Variants in CRYBG1 observed in about 807,000 individuals in gnomAD.
The protein encoded by CRYBG1 is crystallin beta-gamma domain containing 1.
A neutral mutation model predicts 189.2 loss-of-function variants in CRYBG1; 139 were observed. The observed-to-expected ratio is 0.73, with a 90% CI of 0.64 to 0.85. The LOEUF (loss-of-function observed/expected upper bound fraction) is 0.85, where lower values mean the gene tolerates loss of function less well. Among genes scored for constraint, CRYBG1 ranks in the 40% least tolerant of loss-of-function variants. The pLI is 0.00. For missense variants in CRYBG1, 2,611 were observed against 2,675.8 expected, an observed-to-expected ratio of 0.98 and a Z score of 0.53; for synonymous variants, 1,023 against 1,017.1, an observed-to-expected ratio of 1.01 and a Z score of -0.11.
intron 6 of CRYBG1, among the ~76,000 whole-genome samples, chr6:106,525,792 C>A (rs9320172): frequency 6.6e-6 from 1 of 150,478 alleles, no homozygotes; most frequent in African/African-American, 2.5e-5. Flanking sequence ...CTTGAGAACA[C>A]GTAGGAAAAG....
intron 3 of CRYBG1, among the ~76,000 whole-genome samples, chr6:106,516,347 C>T (rs933293858): frequency 2.0e-5 from 3 of 152,118 alleles, no homozygotes; most frequent in African/African-American, 7.2e-5. Flanking sequence ...AATTCTCCTG[C>T]CTCAGCCTCC....
intron 2 of CRYBG1, among the ~76,000 whole-genome samples, chr6:106,500,433 CA>C (rs566538301): frequency 1.6e-4 from 23 of 144,852 alleles, no homozygotes; most frequent in Middle Eastern, 3.5e-3. Flanking sequence ...AAAAAAAAAA[CA>C]AAAAAAAAAA....
intron 2 of CRYBG1, among the ~76,000 whole-genome samples, chr6:106,460,378 G>A (rs948998957): frequency 2.0e-5 from 3 of 152,104 alleles, no homozygotes; most frequent in Admixed American, 2.0e-4. Flanking sequence ...TTTTTGTATT[G>A]CGTTGTTTAC....
At chr6:106,429,336 T>A (rs1310974496) in intron 1 of CRYBG1, among the ~76,000 whole-genome samples, 1 of 152,110 alleles carries the variant, frequency 6.6e-6, no homozygotes, top group Non-Finnish European at 1.5e-5. Flanking sequence ...TTAGGGACTA[T>A]AAAATAAACT....
At position 106,528,879 on chromosome 6, in the gene CRYBG1, G is replaced by C. The variant is rs556345940; in HGVS notation, c.4579-1297G>C. 3.1e-3 allele frequency among the ~76,000 whole-genome samples: 464 copies of C among 150,678 alleles called. 6 individuals are homozygous for C. The highest frequency in any genetic ancestry group is 0.011 in the African/African-American group (443 of 41,140). On this transcript the variant is annotated intron_variant, in intron 7 of 21. Transcript: ENST00000633556. ...TCTTCTTTCAGTGAATCTTAAGGTT[G>C]TTTCTAGTTTTTTACTATTATAAGT...
At chr6:106,524,994 T>A in intron 4 of CRYBG1, 139 bp from the exon 5 acceptor site, 1 of 789,146 alleles carries the variant, frequency 1.3e-6, no homozygotes, top group Non-Finnish European at 2.1e-6. Context: ...AATACAACTT[T>A]AGCATCCATT....
At chr6:106,439,126 G>GA (rs1301506192) in intron 1 of CRYBG1, among the ~76,000 whole-genome samples, 4 of 149,860 alleles carry the variant, frequency 2.7e-5, no homozygotes, top group South Asian at 2.1e-4. Flanking sequence ...TTCTTTTAAA[G>GA]AAAAAAACGG....
chr6:106,416,269 C>T (rs1440489414), intron 1 of CRYBG1, among the ~76,000 whole-genome samples: 1 of 152,218 alleles, frequency 6.6e-6, no homozygotes, highest in African/African-American at 2.4e-5. Context: ...GATGAACATG[C>T]ATGGGGAGGA....
intron 13 of CRYBG1, among the ~76,000 whole-genome samples, chr6:106,550,884 A>G (rs1774383411): frequency 6.6e-6 from 1 of 152,134 alleles, no homozygotes; most frequent in Admixed American, 6.5e-5. Context: ...ACAGAGAAGT[A>G]TTGCCTTTGT....
intron 20 of CRYBG1, among the ~76,000 whole-genome samples, chr6:106,562,556 G>A (rs566025574): frequency 2.0e-5 from 3 of 151,256 alleles, no homozygotes; most frequent in Admixed American, 6.6e-5. Flanking sequence ...GCACTATCTC[G>A]GCTCACTTCA....
chr6:106,371,646 G>A (rs904861780), intron 1 of CRYBG1, among the ~76,000 whole-genome samples: 3 of 152,206 alleles, frequency 2.0e-5, no homozygotes, highest in African/African-American at 7.2e-5. Context: ...CATACGTAGG[G>A]TTTGAAACAA....
At chr6:106,515,939 G>T (rs924564862) in intron 3 of CRYBG1, among the ~76,000 whole-genome samples, 1 of 151,166 alleles carries the variant, frequency 6.6e-6, no homozygotes, top group Admixed American at 6.6e-5. Flanking sequence ...GACTACAGGC[G>T]CACCACCATG....
intron 17 of CRYBG1, among the ~76,000 whole-genome samples, chr6:106,556,952 AT>A (rs1454447382): frequency 6.6e-6 from 1 of 152,174 alleles, no homozygotes; most frequent in African/African-American, 2.4e-5. Flanking sequence ...ATATTTGAAA[AT>A]TTCAATGCCT....
intron 1 of CRYBG1, among the ~76,000 whole-genome samples, chr6:106,390,162 A>G (rs1020552389): frequency 2.0e-5 from 3 of 152,238 alleles, no homozygotes; most frequent in East Asian, 1.9e-4. Flanking sequence ...TAGCATTAAG[A>G]TGAATCATTT....
rs747270637 is a variant in CRYBG1 at position 106,552,203 on chromosome 6, G to A, written c.5459G>A (p.Arg1820Lys). The A allele has an allele frequency of 6.3e-7, 1 of 1,577,152 alleles. No homozygotes were observed. The highest frequency in any genetic ancestry group is 8.6e-7 in the Non-Finnish European group (1 of 1,156,486). Residue 1820 changes from arginine (R) to lysine (K), a missense_variant, in exon 15 of 22, where the codon AGG (arginine) becomes AAG (lysine). Physicochemically the swap from Arg to Lys is conservative, Grantham distance 26 (BLOSUM62 2). Transcript: ENST00000633556. ...TTTTAGGATTCTTTCACTGGCCCAA[G>A]GAGACGAAATCAGGTAACTTTAAAA... Reference protein sequence around the residue: ...PICLDSFTGPRRRNQIHLFSE... With the variant: ...PICLDSFTGPKRRNQIHLFSE...
chr6:106,449,968 T>A (rs144937245), intron 1 of CRYBG1, among the ~76,000 whole-genome samples: 1 of 152,212 alleles, frequency 6.6e-6, no homozygotes, highest in Non-Finnish European at 1.5e-5. Context: ...CTCACGCCTG[T>A]AATCCCGGCA....
chr6:106,451,221 T>C (rs2114436864), intron 1 of CRYBG1, among the ~76,000 whole-genome samples: 1 of 152,326 alleles, frequency 6.6e-6, no homozygotes, highest in Non-Finnish European at 1.5e-5. Flanking sequence ...CTGATAAATA[T>C]TATAATCCTA....
intron 1 of CRYBG1, among the ~76,000 whole-genome samples, chr6:106,366,306 T>C (rs1771997550): frequency 6.6e-6 from 1 of 152,214 alleles, no homozygotes; most frequent in South Asian, 2.1e-4. Context: ...TTCCCTCTTA[T>C]TTTCCTTATA....
chr6:106,373,413 T>A (rs115691277), intron 1 of CRYBG1, among the ~76,000 whole-genome samples: 311 of 152,184 alleles, frequency 2.0e-3, no homozygotes, highest in African/African-American at 7.0e-3. Flanking sequence ...TGCATAAAGG[T>A]CACAGCCCCA....
Sources: gnomAD v4.1 joint callset for allele counts (sites outside exome capture counted in the v4.1 genomes callset) on GRCh38, gnomAD v4.1.1 for gene constraint, MANE v1.5 for transcripts, NCBI Gene and HGNC (gene_info 2026-07-23, HGNC 2026-07-21) for gene names.